Variants in ZNF888 observed in about 807,000 individuals in gnomAD.
The protein encoded by ZNF888 is zinc finger protein 888.
A neutral mutation model predicts 7.2 loss-of-function variants in ZNF888; 5 were observed. That is an observed-to-expected ratio of 0.70 (90% CI 0.36 to 1.46). ZNF888 has a LOEUF of 1.46. Ranked by LOEUF, ZNF888 falls within the 40% of genes most tolerant of loss-of-function variation. The probability of loss-of-function intolerance (pLI) is 0.03; values close to 1 mark genes in which losing one functional copy is unlikely to be tolerated. For synonymous variants in ZNF888, 240 were observed against 284.3 expected, an observed-to-expected ratio of 0.84 and a Z score of 1.57; for missense variants, 716 against 858.0, an observed-to-expected ratio of 0.83 and a Z score of 2.07.
intron 1 of ZNF888, among the ~76,000 whole-genome samples, chr19:52,920,286 T>C (rs1398493852): frequency 1.6e-5 from 1 of 63,186 alleles, no homozygotes; most frequent in African/African-American, 5.2e-5. Flanking sequence ...GGCCGGGTGG[T>C]TGCCGGGTCT....
rs200803482 is a variant in ZNF888, at chr19:52,915,318, A to C, written c.20T>G (p.Leu7Arg). The C allele has an allele frequency of 1.4e-3, 2,224 of 1,612,902 alleles. 12 individuals carry two copies. The highest frequency in any genetic ancestry group is 0.012 in the Middle Eastern group (71 of 6,030). Reference sequence around the variant, plus strand: ...TATGGCCACATCCCTGAATGTCAATAGACCCTGAAATGAAAACACATTTTA... The same window carrying C: ...TATGGCCACATCCCTGAATGTCAATCGACCCTGAAATGAAAACACATTTTA... The part of the protein sequence containing the change: MALPQG[L>R]LTFRDVAIEF... Residue 7 changes from leucine to arginine, a missense_variant, in exon 4 of 5, where the codon CTA (leucine) becomes CGA (arginine). Around this residue, in one of 2 missense-constraint regions of ZNF888, gnomAD observed 19 missense variants for 54.7 expected, o/e 0.35. Coordinates refer to ENST00000638862, the MANE Select transcript of ZNF888 (RefSeq NM_001393938.1).
In ZNF888 at chr19:52,920,229, A is replaced by C. The variant is rs374692170; in HGVS notation, c.-177-1292T>G. Among the ~76,000 whole-genome samples, 21 of 63,736 alleles carry C rather than the reference A, an allele frequency of 3.3e-4. 9 individuals are homozygous for C. The highest frequency in any genetic ancestry group is 1.2e-3 in the Admixed American group (6 of 5,046). The allele number at this position is 63,736 out of a possible 152,430, so 41.8% of individuals were successfully genotyped here. A position where few individuals can be genotyped will look rare whatever the true frequency, so the allele number is the denominator to read the frequency against. On this transcript the variant is annotated intron_variant, in intron 1 of 4. Transcript: ENST00000638862. ...TGGGGATGGGCCATGATGACAATGG[A>C]GGTTTTGTGGAATAGAAAGGCGGGA...
In ZNF888 at chr19:52,921,860, T is replaced by C. The variant is rs377240174; in HGVS notation, c.-178+1509A>G. On this transcript the variant is annotated intron_variant, in intron 1 of 4. Transcript: ENST00000638862. ...AGGAGAATCACTTGAACCAGGGAGG[T>C]GGCGATTGCAGTGAGCCAAGATCGT... 486 of 155,014 alleles carry C rather than the reference T, an allele frequency of 3.1e-3. 3 individuals are homozygous for C. Among genetic ancestry groups the C allele is most frequent in the African/African-American group, 0.011 (440 of 41,512 alleles). The allele number at this position is 155,014 out of a possible 1,614,324, so 9.6% of individuals were successfully genotyped here.
Position 52,905,444 on chromosome 19 carries a change from TAA to T in ZNF888, c.*719_*720del, listed in dbSNP as rs35926269. 68 of 151,246 alleles carry T rather than the reference TAA, an allele frequency of 4.5e-4. No individual in the cohort carries two copies. Among genetic ancestry groups the T allele is most frequent in the South Asian group, 2.4e-3 (13 of 5,500 alleles). 9.4% of individuals were successfully genotyped at this position (151,246 alleles called of 1,614,324 possible). ...CTCAGCTTGCCTGCACCCAGGTGAT[TAA>T]AAAAAAAAAAAATCTGTATCTGTTT... On this transcript the variant is annotated 3_prime_UTR_variant, in exon 5 of 5. Coordinates refer to ENST00000638862, the MANE Select transcript of ZNF888 (RefSeq NM_001393938.1).
At chr19:52,910,374 G>A (rs940330351) in intron 4 of ZNF888, among the ~76,000 whole-genome samples, 1 of 152,132 alleles carries the variant, frequency 6.6e-6, no homozygotes, top group Non-Finnish European at 1.5e-5. Context: ...TTGGGAGGCT[G>A]AAGCAGGAAT....
intron 4 of ZNF888, chr19:52,913,604 G>A (rs527264294): frequency 1.4e-5 from 8 of 557,402 alleles, no homozygotes; most frequent in East Asian, 2.9e-4. Flanking sequence ...GATTATAGGC[G>A]TGAGCCACTG....
intron 3 of ZNF888, among the ~76,000 whole-genome samples, chr19:52,915,544 G>A (rs1484080419): frequency 1.9e-5 from 2 of 103,026 alleles, no homozygotes; most frequent in African/African-American, 7.9e-5. Context: ...GCATGATCTC[G>A]GCTCACTGCA....
rs2064598686 is a variant in ZNF888 at position 52,905,619 on chromosome 19, C to T, written c.*546G>A. 2.6e-6 allele frequency: 1 copy of T among 382,730 alleles called. No individual in the cohort carries two copies. The highest frequency in any genetic ancestry group is 3.7e-5 in the Admixed American group (1 of 26,926). The allele number at this position is 382,730 out of a possible 1,614,324, so 23.7% of individuals were successfully genotyped here. A position where few individuals can be genotyped will look rare whatever the true frequency, so the allele number is the denominator to read the frequency against. On this transcript the variant is annotated 3_prime_UTR_variant, in exon 5 of 5. Transcript: ENST00000638862. ...TGTGAGCCACCGCACTCAGCCTAAT[C>T]CTCTTAACATAAACACTTTAATGTC...
rs143055055 is a variant in ZNF888 at position 52,921,551 on chromosome 19, C to T, written c.-178+1818G>A. 1.8e-4 allele frequency: 107 copies of T among 600,540 alleles called. No homozygotes were observed. In the African/African-American group the frequency reaches 2.0e-3, roughly 11 times the overall value. 37.2% of individuals were successfully genotyped at this position (600,540 alleles called of 1,614,324 possible). A position where few individuals can be genotyped will look rare whatever the true frequency, so the allele number is the denominator to read the frequency against. On this transcript the variant is annotated intron_variant, in intron 1 of 4. Transcript: ENST00000638862. Reference sequence around the variant, plus strand: ...AAATTAGAGAAGCATCTTTCACATACCTGGGCTAAAGAAACTTCTTTTGCA... The same window carrying T: ...AAATTAGAGAAGCATCTTTCACATATCTGGGCTAAAGAAACTTCTTTTGCA...
chr19:52,922,080 C>A (rs762914081), intron 1 of ZNF888, among the ~76,000 whole-genome samples: 2 of 152,006 alleles, frequency 1.3e-5, no homozygotes, highest in Non-Finnish European at 2.9e-5. Flanking sequence ...TTTGGGAGGT[C>A]GAGGCAGGTG....
intron 4 of ZNF888, among the ~76,000 whole-genome samples, chr19:52,911,560 G>A (rs1471117887): frequency 6.6e-6 from 1 of 151,460 alleles, no homozygotes; most frequent in Non-Finnish European, 1.5e-5. Context: ...GGATGGTCTC[G>A]ATCTCCTGAC....
At chr19:52,908,929 C>T (rs1207963159) in intron 4 of ZNF888, among the ~76,000 whole-genome samples, 1 of 151,040 alleles carries the variant, frequency 6.6e-6, no homozygotes, top group Non-Finnish European at 1.5e-5. Context: ...GGTGGATCTC[C>T]TCAGATCAGG....
rs2064605628 is a variant in ZNF888 at position 52,906,234 on chromosome 19, G to C, written c.2088C>G (p.Gly696=). Residue 696 remains glycine, a synonymous_variant, in exon 5 of 5, where the codon GGC becomes GGG. Coordinates refer to ENST00000638862, the MANE Select transcript of ZNF888 (RefSeq NM_001393938.1). The part of the protein sequence containing the change: ...GEKPFKCSEC[G]KAFRAQSTLI... The stretch of plus-strand genomic sequence containing the variant: ...GTGTTGACTGTGCACGAAAGGCTTT[G>C]CCACACTCACTACACTTGAAAGGTT... 20 of 1,610,152 alleles carry C rather than the reference G, an allele frequency of 1.2e-5. No homozygotes were observed. Among genetic ancestry groups the C allele is most frequent in the Admixed American group, 1.7e-5 (1 of 59,908 alleles).
intron 4 of ZNF888, among the ~76,000 whole-genome samples, chr19:52,911,855 C>G (rs188652208): frequency 6.6e-6 from 1 of 151,876 alleles, no homozygotes; most frequent in Non-Finnish European, 1.5e-5. Flanking sequence ...CTCACTCTGT[C>G]GCCCAGGCTG....
rs1368496445 is a variant in ZNF888, at chr19:52,906,710, C to T, written c.1612G>A (p.Val538Ile). 1 of 1,607,528 alleles carries T rather than the reference C, an allele frequency of 6.2e-7. No homozygotes were observed. ...GKTFVQNSSLVMHKVIHTGEK... is the reference protein window; with the variant it reads ...GKTFVQNSSLIMHKVIHTGEK... ...CCAGTATGAATGACCTTATGCATTACAAGAGATGAATTTTGAACGAAGGTC... is the reference window on the plus strand; with the variant it reads ...CCAGTATGAATGACCTTATGCATTATAAGAGATGAATTTTGAACGAAGGTC... Residue 538 changes from valine to isoleucine, a missense_variant, in exon 5 of 5, where the codon GTA (valine) becomes ATA (isoleucine). By Grantham distance (29) the Val-to-Ile change is conservative (BLOSUM62 3). Around this residue, in one of 2 missense-constraint regions of ZNF888, gnomAD observed 697 missense variants for 803.4 expected, o/e 0.87. Transcript: ENST00000638862.
intron 3 of ZNF888, among the ~76,000 whole-genome samples, chr19:52,916,827 A>C (rs564277297): frequency 1.3e-5 from 2 of 151,710 alleles, no homozygotes; most frequent in African/African-American, 4.8e-5. Context: ...ATGAAGAATC[A>C]CTTGAACCCG....
Position 52,906,126 on chromosome 19 carries a change from G to C in ZNF888, c.*39C>G. On this transcript the variant is annotated 3_prime_UTR_variant, in exon 5 of 5. Coordinates refer to ENST00000638862, the MANE Select transcript of ZNF888 (RefSeq NM_001393938.1). ...TATGGATTCTTCAATGATTTGCAAT[G>C]GTTGTAGCGTTACTGAAGACTTGGT... The C allele has an allele frequency of 1.2e-6, 2 of 1,612,088 alleles. No individual in the cohort carries two copies. The highest frequency in any genetic ancestry group is 1.7e-6 in the Non-Finnish European group (2 of 1,178,572).
Position 52,907,152 on chromosome 19 carries a change from A to AC in ZNF888, c.1169_1170insG (p.Arg392GlnfsTer3). On this transcript the variant is annotated frameshift_variant, in exon 5 of 5. Coordinates refer to ENST00000638862, the MANE Select transcript of ZNF888 (RefSeq NM_001393938.1). LOFTEE classifies it low-confidence loss of function (END_TRUNC). Reference sequence around the variant, plus strand: ...GTGCCAGGTGTGAATCATGTCTGAAAGCCTTGTCACAAACCTTACATTTGT... The same window carrying AC: ...GTGCCAGGTGTGAATCATGTCTGAAACGCCTTGTCACAAACCTTACATTTGT... 1 of 1,611,178 alleles carries AC rather than the reference A, an allele frequency of 6.2e-7. No homozygotes were observed. The highest frequency in any genetic ancestry group is 8.5e-7 in the Non-Finnish European group (1 of 1,179,314).
At chr19:52,922,006 A>G (rs1365870080) in intron 1 of ZNF888, among the ~76,000 whole-genome samples, 1 of 152,052 alleles carries the variant, frequency 6.6e-6, no homozygotes, top group Non-Finnish European at 1.5e-5. Flanking sequence ...GACAGAAGTA[A>G]CTTTTTTCAT....
Sources: allele counts gnomAD v4.1 joint callset (sites outside exome capture counted in the v4.1 genomes callset), GRCh38; gene constraint gnomAD v4.1.1; regional missense constraint gnomAD v4.1.1; transcripts MANE v1.5; gene names NCBI Gene and HGNC (gene_info 2026-07-23, HGNC 2026-07-21).